CAMK4: variants seen among roughly 807,000 people sequenced by gnomAD.
CAMK4 encodes calcium/calmodulin-dependent protein kinase type IV.
A neutral mutation model predicts 44.9 loss-of-function variants in CAMK4; 22 were observed. The ratio of observed to expected loss-of-function variants is 0.49; its 90% CI spans 0.35 to 0.70. The LOEUF (loss-of-function observed/expected upper bound fraction) is 0.70, where lower values mean the gene tolerates loss of function less well. CAMK4 is among the 30% of genes least tolerant of loss of function. The pLI is 0.01. For missense variants in CAMK4, 498 were observed against 586.8 expected, an observed-to-expected ratio of 0.85 and a Z score of 1.56; for synonymous variants, 218 against 215.4, an observed-to-expected ratio of 1.01 and a Z score of -0.11.
intron 5 of CAMK4, among the ~76,000 whole-genome samples, chr5:111,407,587 G>A (rs2112888063): frequency 6.6e-6 from 1 of 152,090 alleles, no homozygotes; most frequent in East Asian, 1.9e-4. Flanking sequence ...ATGACAGGAA[G>A]GATATTATCA....
At chr5:111,402,955 A>G (rs1561465190) in intron 5 of CAMK4, among the ~76,000 whole-genome samples, 1 of 152,178 alleles carries the variant, frequency 6.6e-6, no homozygotes, top group East Asian at 1.9e-4. Flanking sequence ...TTCGGTTTTA[A>G]ATTATATGCC....
At chr5:111,295,139 CATG>C (rs1747430852) in intron 1 of CAMK4, among the ~76,000 whole-genome samples, 1 of 152,190 alleles carries the variant, frequency 6.6e-6, no homozygotes, top group South Asian at 2.1e-4. Context: ...TTTAACTCTT[CATG>C]ATAATTCGCC....
intron 4 of CAMK4, among the ~76,000 whole-genome samples, chr5:111,391,168 C>T (rs192662972): frequency 3.0e-4 from 45 of 152,196 alleles, no homozygotes; most frequent in African/African-American, 1.0e-3. Context: ...GGAAAAACTG[C>T]TAGGAAGAGA....
chr5:111,396,867 C>G (rs1752032659), intron 5 of CAMK4, among the ~76,000 whole-genome samples: 1 of 151,928 alleles, frequency 6.6e-6, no homozygotes, highest in Admixed American at 6.6e-5. Context: ...CCTCGAACTC[C>G]TGACCTCAGG....
intron 7 of CAMK4, among the ~76,000 whole-genome samples, chr5:111,470,494 T>A (rs2112483109): frequency 6.6e-6 from 1 of 152,110 alleles, no homozygotes; most frequent in Non-Finnish European, 1.5e-5. Flanking sequence ...TGTCAAAAAA[T>A]GGTGAAAATG....
At chr5:111,289,000 G>A (rs148310228) in intron 1 of CAMK4, among the ~76,000 whole-genome samples, 7 of 152,308 alleles carry the variant, frequency 4.6e-5, no homozygotes, top group Non-Finnish European at 1.0e-4. Flanking sequence ...ATATGTATGG[G>A]TACTGGTGGT....
intron 5 of CAMK4, among the ~76,000 whole-genome samples, chr5:111,412,568 A>C (rs1158502493): frequency 6.6e-6 from 1 of 152,242 alleles, no homozygotes. Context: ...GGAAGAATGC[A>C]TTGTAATCCA....
chr5:111,337,443 A>G (rs1403515718), intron 1 of CAMK4, among the ~76,000 whole-genome samples: 2 of 150,398 alleles, frequency 1.3e-5, no homozygotes, highest in Non-Finnish European at 3.0e-5. Context: ...AAAAGTGGCT[A>G]TACCATTTTG....
chr5:111,475,140 G>T (rs1755192442), intron 8 of CAMK4, among the ~76,000 whole-genome samples: 3 of 152,130 alleles, frequency 2.0e-5, no homozygotes, highest in Non-Finnish European at 4.4e-5. Flanking sequence ...TCCAGCCTGG[G>T]TGATAGAACT....
chr5:111,395,250 A>G (rs1437472389), intron 5 of CAMK4, among the ~76,000 whole-genome samples: 3 of 151,224 alleles, frequency 2.0e-5, no homozygotes, highest in African/African-American at 7.3e-5. Flanking sequence ...GAAAAAGAAA[A>G]AAGAAAAGAA....
rs1043669640 is a variant in CAMK4 at position 111,482,272 on chromosome 5, A to G, written c.829-513A>G. 2 of 152,250 alleles carry G rather than the reference A, an allele frequency of 1.3e-5. No individual in the cohort carries two copies. The highest frequency in any genetic ancestry group is 2.9e-5 in the Non-Finnish European group (2 of 68,062). 9.4% of individuals were successfully genotyped at this position (152,250 alleles called of 1,614,324 possible). On this transcript the variant is annotated intron_variant, in intron 9 of 10. Coordinates refer to ENST00000282356, the MANE Select transcript of CAMK4 (RefSeq NM_001744.6). This position sits in a 1 kb window ranked among gnomAD's most constrained non-coding sequence, Gnocchi z 4.9. ...TGGGCTTAGTCCTTCAAGTACCCTC[A>G]AGGGGTTAGAAAGAACTATAAACCC...
At chr5:111,309,221 A>G (rs1023806092) in intron 1 of CAMK4, among the ~76,000 whole-genome samples, 25 of 152,220 alleles carry the variant, frequency 1.6e-4, no homozygotes, top group Admixed American at 1.0e-3. Flanking sequence ...GTCAGTAAGC[A>G]TGTACACCAA....
At chr5:111,228,759 G>A (rs1748324817) in intron 1 of CAMK4, among the ~76,000 whole-genome samples, 1 of 152,138 alleles carries the variant, frequency 6.6e-6, no homozygotes, top group Admixed American at 6.5e-5. Flanking sequence ...TAAGCTATGA[G>A]GCAGAGTCTT....
chr5:111,334,943 C>A (rs1305403010), intron 1 of CAMK4, among the ~76,000 whole-genome samples: 1 of 151,218 alleles, frequency 6.6e-6, no homozygotes, highest in Admixed American at 6.6e-5. Context: ...AAGATACCTC[C>A]CATTTAAAAA....
intron 1 of CAMK4, among the ~76,000 whole-genome samples, chr5:111,340,349 T>C (rs1356621951): frequency 6.6e-6 from 1 of 151,318 alleles, no homozygotes; most frequent in Non-Finnish European, 1.5e-5. Flanking sequence ...ATATTAGCTG[T>C]GGAATTGTCA....
chr5:111,273,677 T>TTTTATATATATA (rs1418947550), intron 1 of CAMK4, among the ~76,000 whole-genome samples: 3 of 41,126 alleles, frequency 7.3e-5, no homozygotes, highest in African/African-American at 1.5e-4. Context: ...AAAAATGCAT[T>TTTTATATATATA]TATATATATA....
chr5:111,234,738 C>T lies in CAMK4; in HGVS notation c.161+10094C>T, dbSNP rs202214142. 1.9e-4 allele frequency among the ~76,000 whole-genome samples: 29 copies of T among 152,030 alleles called. No individual in the cohort carries two copies. In the East Asian group the frequency reaches 3.5e-3, roughly 18 times the overall value. On this transcript the variant is annotated intron_variant, in intron 1 of 10. Coordinates refer to ENST00000282356, the MANE Select transcript of CAMK4 (RefSeq NM_001744.6). ...TATGGCTCAAAAATTTACCAGGTAC[C>T]GAAATATTTCATGGAAAAAAATAAA...
intron 2 of CAMK4, among the ~76,000 whole-genome samples, chr5:111,362,676 A>G (rs1054401729): frequency 1.3e-5 from 2 of 152,008 alleles, no homozygotes; most frequent in Middle Eastern, 3.2e-3. Context: ...TTAAAAAATA[A>G]TTTGGGAGGC....
rs144288224 is a variant in CAMK4 at position 111,403,107 on chromosome 5, A to G, written c.459+8325A>G. 1.9e-3 allele frequency among the ~76,000 whole-genome samples: 282 copies of G among 152,348 alleles called. 2 individuals carry two copies. The highest frequency in any genetic ancestry group is 6.2e-3 in the African/African-American group (259 of 41,584). On this transcript the variant is annotated intron_variant, in intron 5 of 10. Coordinates refer to ENST00000282356, the MANE Select transcript of CAMK4 (RefSeq NM_001744.6). ...ACAGAAAGAGCATACTTCTAAATAA[A>G]AAGATTCTGGTCCCACAAATTTCTA...
Sources: allele counts gnomAD v4.1 joint callset (sites outside exome capture counted in the v4.1 genomes callset), GRCh38; gene constraint gnomAD v4.1.1; non-coding constraint Gnocchi (gnomAD v3.1); transcripts MANE v1.5; gene names NCBI Gene and HGNC (gene_info 2026-07-23, HGNC 2026-07-21).